The following C8orf34 variants were observed in gnomAD, a reference collection of about 807,000 sequenced individuals.
The protein encoded by C8orf34 is chromosome 8 open reading frame 34, also known as uncharacterized protein C8orf34.
Under a neutral mutation model 68.3 loss-of-function variants are expected in C8orf34, and 65 were observed. The observed-to-expected ratio is 0.95, with a 90% CI of 0.78 to 1.17. The LOEUF is 1.17. Among genes scored for constraint, C8orf34 ranks in the 50% most tolerant of loss-of-function variants. C8orf34 has a pLI of 0.00. For missense variants in C8orf34, 664 were observed against 655.4 expected (o/e 1.01, Z -0.14); for synonymous variants, 244 against 241.2 (o/e 1.01, Z -0.11).
chr8:68,475,063 T>G (rs1182775707), intron 4 of C8orf34, among the ~76,000 whole-genome samples: 7 of 152,186 alleles, frequency 4.6e-5, no homozygotes, highest in Non-Finnish European at 7.3e-5. Context: ...TACCATTGCT[T>G]ATGACTTTCT....
chr8:68,694,433 G>C (rs914636623), intron 8 of C8orf34, among the ~76,000 whole-genome samples: 1 of 151,966 alleles, frequency 6.6e-6, no homozygotes, highest in African/African-American at 2.4e-5. Context: ...CCTCAGTTTT[G>C]TGTGTTTTTC....
At chr8:68,343,791 A>G (rs1045371190) in intron 1 of C8orf34, among the ~76,000 whole-genome samples, 4 of 152,002 alleles carry the variant, frequency 2.6e-5, no homozygotes, top group Non-Finnish European at 5.9e-5. Context: ...ACAGGGTTTC[A>G]CCATGTTGGT....
chr8:68,643,370 C>T (rs1010120394), intron 8 of C8orf34, among the ~76,000 whole-genome samples: 7 of 152,136 alleles, frequency 4.6e-5, no homozygotes, highest in Admixed American at 3.3e-4. Context: ...AACAGAATCA[C>T]GGTGGGGAAT....
intron 9 of C8orf34, among the ~76,000 whole-genome samples, chr8:68,712,747 G>A (rs891296464): frequency 2.0e-5 from 3 of 151,956 alleles, no homozygotes; most frequent in African/African-American, 7.3e-5. Flanking sequence ...TAATAGTGGG[G>A]GACTTTAATA....
intron 10 of C8orf34, among the ~76,000 whole-genome samples, chr8:68,722,522 AT>A (rs1288921879): frequency 1.3e-5 from 2 of 152,116 alleles, no homozygotes; most frequent in African/African-American, 4.8e-5. Context: ...AATAAAATTA[AT>A]TTTTAAAATT....
At chr8:68,589,353 T>G (rs1166153163) in intron 7 of C8orf34, among the ~76,000 whole-genome samples, 1 of 143,898 alleles carries the variant, frequency 6.9e-6, no homozygotes, top group African/African-American at 2.6e-5. Context: ...ATAGTAAGAA[T>G]ACAGAGAAAG....
rs1441915003 is a variant in C8orf34, at chr8:68,759,733, TG to T, written c.1405-16665del. Among the ~76,000 whole-genome samples the T allele has an allele frequency of 4.6e-5, 7 of 152,374 alleles. No individual in the cohort carries two copies. The South Asian group carries it at 1.4e-3, about 32-fold the overall frequency. On this transcript the variant is annotated intron_variant, in intron 10 of 13. Transcript: ENST00000518698. ...GGATGCATGTTTGTTTAAAATTCAC[TG>T]AATTCTTAAGTAGGATTTTGAATGG...
chr8:68,426,825 C>T (rs1349808510), intron 1 of C8orf34, among the ~76,000 whole-genome samples: 4 of 151,394 alleles, frequency 2.6e-5, no homozygotes, highest in South Asian at 2.1e-4. Flanking sequence ...GCTGAGGTCG[C>T]GCCATTGCAC....
At chr8:68,786,413 A>G (rs1307699814) in intron 11 of C8orf34, among the ~76,000 whole-genome samples, 1 of 152,182 alleles carries the variant, frequency 6.6e-6, no homozygotes, top group Non-Finnish European at 1.5e-5. Context: ...AAAGTTATTT[A>G]TGACCTCAAG....
chr8:68,398,619 A>C (rs9650230), intron 1 of C8orf34, among the ~76,000 whole-genome samples: 4,156 of 152,274 alleles, frequency 0.027, 73 homozygotes, highest in Middle Eastern at 0.041. Context: ...ATATCAAAGT[A>C]TTATGTGGTA....
intron 3 of C8orf34, among the ~76,000 whole-genome samples, chr8:68,452,411 G>T (rs1163827782): frequency 6.6e-6 from 1 of 151,110 alleles, no homozygotes; most frequent in Non-Finnish European, 1.5e-5. Flanking sequence ...ACCAAATCTT[G>T]TTATTTTCCT....
intron 3 of C8orf34, among the ~76,000 whole-genome samples, chr8:68,454,690 G>A (rs191095399): frequency 2.0e-5 from 3 of 151,922 alleles, no homozygotes; most frequent in East Asian, 1.9e-4. Flanking sequence ...TCTTTCTAAA[G>A]AACCAACTTT....
At chr8:68,769,114 G>A (rs907524243) in intron 10 of C8orf34, among the ~76,000 whole-genome samples, 9 of 151,816 alleles carry the variant, frequency 5.9e-5, no homozygotes, top group African/African-American at 2.2e-4. Flanking sequence ...GCAGTGCAAT[G>A]TGTAATTTCT....
intron 1 of C8orf34, among the ~76,000 whole-genome samples, chr8:68,417,055 A>G (rs1344456137): frequency 1.3e-5 from 2 of 152,130 alleles, no homozygotes; most frequent in African/African-American, 4.8e-5. Flanking sequence ...AAAATGACCC[A>G]TGATTCTCAG....
chr8:68,687,619 G>A lies in C8orf34; in HGVS notation c.1242-21375G>A, dbSNP rs148803250. ...CCTTATAAAAAAATCAACTCAAGAT[G>A]GATAAAAGGCTTAAATCTAAGACCT... is the stretch of plus-strand genomic sequence containing the variant. On this transcript the variant is annotated intron_variant, in intron 8 of 13. Coordinates refer to ENST00000518698, the MANE Select transcript of C8orf34 (RefSeq NM_052958.4). Among the ~76,000 whole-genome samples, 11 of 152,034 alleles carry A rather than the reference G, an allele frequency of 7.2e-5. No homozygotes were observed. The East Asian group carries it at 1.7e-3, about 24-fold the overall frequency.
intron 3 of C8orf34, among the ~76,000 whole-genome samples, chr8:68,456,919 G>A (rs1811578378): frequency 6.6e-6 from 1 of 152,198 alleles, no homozygotes; most frequent in African/African-American, 2.4e-5. Context: ...CTATTGTATG[G>A]AATGGTTGCA....
In C8orf34 at chr8:68,331,055, C is replaced by T. The variant is rs73254830; in HGVS notation, c.43C>T (p.Leu15=). The T allele has an allele frequency of 2.5e-3, 3,639 of 1,479,914 alleles. 71 individuals carry two copies. The African/African-American group carries it at 0.047, about 19-fold the overall frequency. The allele number at this position is 1,479,914 out of a possible 1,614,324, so 91.7% of individuals were successfully genotyped here. ...CTCGGAGTTGTCTGAGTTGGCGGCG[C>T]TGCGCCCAGGCTTCCGGCTCTCAGC... is the stretch of plus-strand genomic sequence containing the variant. ...LASELSELAA[L]RPGFRLSAPH... is the part of the protein sequence containing the mutation. The change falls in exon 1 of 14, where the codon CTG becomes TTG. Residue 15 remains leucine, a synonymous_variant. Coordinates refer to ENST00000518698, the MANE Select transcript of C8orf34 (RefSeq NM_052958.4).
At chr8:68,395,303 C>T (rs1208176326) in intron 1 of C8orf34, among the ~76,000 whole-genome samples, 1 of 151,096 alleles carries the variant, frequency 6.6e-6, no homozygotes, top group East Asian at 2.0e-4. Flanking sequence ...TGTTTGTTTC[C>T]ACCCCTCTCT....
intron 8 of C8orf34, among the ~76,000 whole-genome samples, chr8:68,653,516 C>T (rs1487116518): frequency 6.6e-6 from 1 of 152,182 alleles, no homozygotes; most frequent in Non-Finnish European, 1.5e-5. Context: ...AGACTGGTGG[C>T]TTATAAACGA....
Sources: allele counts gnomAD v4.1 joint callset (sites outside exome capture counted in the v4.1 genomes callset), GRCh38; gene constraint gnomAD v4.1.1; transcripts MANE v1.5; gene names NCBI Gene and HGNC (gene_info 2026-07-23, HGNC 2026-07-21).